The following NUP37 variants were observed in gnomAD, a reference collection of about 807,000 sequenced individuals.
The protein encoded by NUP37 is nucleoporin 37.
NUP37 carries 33 observed loss-of-function variants against 45.4 expected under a neutral mutation model. The ratio of observed to expected loss-of-function variants is 0.73; its 90% CI spans 0.55 to 0.97. The LOEUF is 0.97. Ranked by LOEUF, NUP37 falls within the 50% of genes least tolerant of loss-of-function variation. The pLI, the probability that NUP37 is intolerant of heterozygous loss-of-function variation, is 0.00. For synonymous variants in NUP37, 127 were observed against 130.7 expected (o/e 0.97, Z 0.19); for missense variants, 365 against 389.7 (o/e 0.94, Z 0.53).
chr12:102,089,175 G>C (rs571096797), intron 5 of NUP37, among the ~76,000 whole-genome samples: 1 of 150,260 alleles, frequency 6.7e-6, no homozygotes, highest in Non-Finnish European at 1.5e-5. Context: ...TTTTCTTTTC[G>C]ACAAAACCGC....
intron 6 of NUP37, among the ~76,000 whole-genome samples, chr12:102,084,267 C>T (rs948736878): frequency 6.6e-6 from 1 of 152,126 alleles, no homozygotes; most frequent in Admixed American, 6.5e-5. Flanking sequence ...ATAGGCCTGG[C>T]GTATGTAAGC....
At chr12:102,083,376 A>G (rs1206531892) in intron 6 of NUP37, among the ~76,000 whole-genome samples, 1 of 152,226 alleles carries the variant, frequency 6.6e-6, no homozygotes, top group Non-Finnish European at 1.5e-5. Flanking sequence ...TCATGCACAT[A>G]TGCAGAGTAT....
chr12:102,112,115 C>T lies in NUP37; in HGVS notation c.274G>A (p.Val92Ile), dbSNP rs760688421. ...TGGTACTGTTAAACTTACTTGATTA[C>T]TGGAGGCAATGAATCAAGTCTAGTC... is the stretch of plus-strand genomic sequence containing the variant. ...PETRLDSLPPVIKFCTSAADM... is the reference protein window; with the variant it reads ...PETRLDSLPPIIKFCTSAADM... The change falls in exon 3 of 10, where the codon GTA becomes ATA. Residue 92 changes from valine to isoleucine, a missense_variant. Coordinates refer to ENST00000552283, the MANE Select transcript of NUP37 (RefSeq NM_024057.4). The T allele has an allele frequency of 2.5e-6, 4 of 1,613,460 alleles. No individual in the cohort carries two copies. The South Asian group carries it at 4.4e-5, about 18-fold the overall frequency.
chr12:102,077,118 A>C (rs554104282), intron 7 of NUP37: 20 of 629,690 alleles, frequency 3.2e-5, no homozygotes, highest in South Asian at 2.6e-4. Flanking sequence ...CCTCTTTTGC[A>C]CTGTCCTTTC....
intron 5 of NUP37, among the ~76,000 whole-genome samples, chr12:102,095,686 T>C (rs1423037060): frequency 6.6e-6 from 1 of 152,152 alleles, no homozygotes; most frequent in East Asian, 1.9e-4. Context: ...CAGAAAATAT[T>C]GCAAGAATAT....
At chr12:102,093,556 A>G (rs1302068655) in intron 5 of NUP37, among the ~76,000 whole-genome samples, 3 of 152,086 alleles carry the variant, frequency 2.0e-5, no homozygotes, top group African/African-American at 7.2e-5. Context: ...TTTCATCTTT[A>G]AGGAATTCAG....
At chr12:102,094,055 T>C (rs561662097) in intron 5 of NUP37, among the ~76,000 whole-genome samples, 1 of 152,252 alleles carries the variant, frequency 6.6e-6, no homozygotes, top group Middle Eastern at 3.4e-3. Context: ...TTTCACTGCA[T>C]TGAATTTAAA....
intron 4 of NUP37, among the ~76,000 whole-genome samples, chr12:102,099,795 G>A (rs1031258488): frequency 4.6e-5 from 7 of 152,160 alleles, no homozygotes; most frequent in African/African-American, 1.7e-4. Context: ...GACTGTGTGA[G>A]CAGATAAAGT....
At chr12:102,109,243 G>T (rs1880244111) in intron 3 of NUP37, among the ~76,000 whole-genome samples, 2 of 152,188 alleles carry the variant, frequency 1.3e-5, no homozygotes, top group Non-Finnish European at 1.5e-5. Context: ...GGAAAGAGTA[G>T]AAAGGCAGGG....
intron 2 of NUP37, among the ~76,000 whole-genome samples, chr12:102,114,288 A>G (rs1880399532): frequency 6.6e-6 from 1 of 152,188 alleles, no homozygotes; most frequent in African/African-American, 2.4e-5. Context: ...GTTGACAATC[A>G]AGTCCTTTAA....
chr12:102,079,024 C>T, intron 6 of NUP37: 1 of 280,816 alleles, frequency 3.6e-6, no homozygotes, highest in Non-Finnish European at 7.1e-6. Context: ...GAATAAAATG[C>T]TTTTCCACTC....
chr12:102,088,627 T>C (rs1259213274), intron 5 of NUP37, among the ~76,000 whole-genome samples: 1 of 152,176 alleles, frequency 6.6e-6, no homozygotes, highest in Non-Finnish European at 1.5e-5. Context: ...CTGACTTCTT[T>C]TACTCATCAT....
intron 5 of NUP37, 50 bp from the exon 6 acceptor site, chr12:102,085,906 C>T (rs1248361114): frequency 1.1e-6 from 1 of 870,114 alleles, no homozygotes; most frequent in Admixed American, 2.6e-5. Flanking sequence ...TATATCATTA[C>T]TAAAAAATTA....
intron 7 of NUP37, 151 bp from the exon 8 acceptor site, chr12:102,076,998 G>A: frequency 1.6e-6 from 1 of 636,550 alleles, no homozygotes; most frequent in East Asian, 2.7e-5. Context: ...TAAAACAGAT[G>A]AAATACAATA....
intron 6 of NUP37, among the ~76,000 whole-genome samples, chr12:102,084,411 C>T (rs970139889): frequency 2.0e-5 from 3 of 151,982 alleles, no homozygotes; most frequent in Admixed American, 6.6e-5. Context: ...TATGGGAGGC[C>T]GAGGTGGGCA....
At chr12:102,110,669 C>T (rs1445757607) in intron 3 of NUP37, among the ~76,000 whole-genome samples, 1 of 152,168 alleles carries the variant, frequency 6.6e-6, no homozygotes, top group Non-Finnish European at 1.5e-5. Flanking sequence ...AGGCAAATCC[C>T]TGTCCCTACA....
At chr12:102,098,527 ATGTT>A (rs1879877988) in intron 5 of NUP37, among the ~76,000 whole-genome samples, 1 of 151,284 alleles carries the variant, frequency 6.6e-6, no homozygotes, top group Non-Finnish European at 1.5e-5. Context: ...TTGATCCAAT[ATGTT>A]TGTGTTTTTT....
intron 3 of NUP37, among the ~76,000 whole-genome samples, chr12:102,105,848 C>T (rs781262711): frequency 1.6e-4 from 21 of 130,372 alleles, no homozygotes; most frequent in African/African-American, 2.3e-4. Context: ...GGTGACAGAG[C>T]GGGACTCCCT....
intron 8 of NUP37, among the ~76,000 whole-genome samples, chr12:102,075,477 T>C (rs1053368596): frequency 3.3e-5 from 5 of 152,174 alleles, no homozygotes; most frequent in African/African-American, 9.7e-5. Context: ...CCATAGCACC[T>C]AGACAGAAAC....
Sources: gnomAD v4.1 joint callset for allele counts (sites outside exome capture counted in the v4.1 genomes callset) on GRCh38, gnomAD v4.1.1 for gene constraint, MANE v1.5 for transcripts, NCBI Gene and HGNC (gene_info 2026-07-23, HGNC 2026-07-21) for gene names.